SMN2: variants seen among roughly 807,000 people sequenced by gnomAD.
The protein encoded by SMN2 is survival motor neuron protein.
Under a neutral mutation model 2.8 loss-of-function variants are expected in SMN2, and 1 was observed. The ratio of observed to expected loss-of-function variants is 0.35; its 90% confidence interval spans 0.13 to 1.68. SMN2 has a LOEUF of 1.68. Ranked by LOEUF, SMN2 falls within the 40% of genes most tolerant of loss-of-function variation. The pLI is 0.35. For synonymous variants in SMN2, 5 were observed against 5.0 expected, an observed-to-expected ratio of 0.99 and a Z score of 0.01; for missense variants, 12 against 16.9, an observed-to-expected ratio of 0.71 and a Z score of 0.51.
At chr5:70,079,428 T>A (rs1774819831), downstream of SMN2, among the ~76,000 whole-genome samples, 1 of 89,406 alleles carries the variant, frequency 1.1e-5, no homozygotes, top group Non-Finnish European at 2.0e-5. Flanking sequence ...CGAGACTCCG[T>A]CTCAAAAAAA....
intron 1 of SMN2, among the ~76,000 whole-genome samples, chr5:70,052,122 T>C (rs1580725390): frequency 1.1e-5 from 1 of 91,908 alleles, no homozygotes; most frequent in Non-Finnish European, 2.4e-5. Flanking sequence ...ACCCAGGAGG[T>C]GGAGGTTGCA....
the SMN2 span, among the ~76,000 whole-genome samples, chr5:70,084,192 T>G: frequency 6.2e-5 from 4 of 64,680 alleles, no homozygotes. Context: ...TAAATTGTTT[T>G]TTTTTTTTTT....
intron 1 of SMN2, among the ~76,000 whole-genome samples, chr5:70,052,797 A>C (rs1406966421): frequency 1.7e-5 from 1 of 58,380 alleles, no homozygotes; most frequent in Non-Finnish European, 3.6e-5. Context: ...CAGGAAAATC[A>C]CTTGAACCCG....
At chr5:70,081,669 T>TGGG (rs1332650935), downstream of SMN2, among the ~76,000 whole-genome samples, 1 of 2,398 alleles carries the variant, frequency 4.2e-4, no homozygotes, top group Non-Finnish European at 8.1e-4. Context: ...TGTTTGTCTG[T>TGGG]TATTGCTGTA....
Position 70,049,728 on chromosome 5 carries a change from CAGG to C in SMN2, c.48_50del (p.Glu16del). On this transcript the variant is annotated inframe_deletion, in exon 1 of 9. Coordinates refer to ENST00000380743, the MANE Select transcript of SMN2 (RefSeq NM_017411.4). ...CGGCAGTGGTGGCGGCGTCCCGGAGCAGGAGGATTCCGTGCTGTTCCGGCGCGG... is the reference window on the plus strand; with the variant it reads ...CGGCAGTGGTGGCGGCGTCCCGGAGCAGGATTCCGTGCTGTTCCGGCGCGG... 2 of 216,028 alleles carry C rather than the reference CAGG, an allele frequency of 9.3e-6. No individual in the cohort carries two copies. The highest frequency in any genetic ancestry group is 2.8e-5 in the South Asian group (1 of 35,376). The allele number at this position is 216,028 out of a possible 1,614,324, so 13.4% of individuals were successfully genotyped here. A position where few individuals can be genotyped will look rare whatever the true frequency, so the allele number is the denominator to read the frequency against.
downstream of SMN2, among the ~76,000 whole-genome samples, chr5:70,079,159 G>A (rs868691883): frequency 0.024 from 2,826 of 118,670 alleles, 83 homozygotes; most frequent in African/African-American, 0.09. Context: ...GCAGCTGGGC[G>A]CGGCAGCTCA....
chr5:70,084,919 G>A, the SMN2 span, among the ~76,000 whole-genome samples: 3 of 137,926 alleles, frequency 2.2e-5, no homozygotes, highest in South Asian at 2.2e-4. Flanking sequence ...ACACAGAGGT[G>A]AAAAATTTGA....
At chr5:70,079,391 C>T (rs540756695), downstream of SMN2, among the ~76,000 whole-genome samples, 58 of 143,534 alleles carry the variant, frequency 4.0e-4, no homozygotes, top group East Asian at 0.01. Flanking sequence ...GAGATTGTGC[C>T]ACTGTACTCA....
At chr5:70,052,823 A>G (rs1477500334) in intron 1 of SMN2, among the ~76,000 whole-genome samples, 2 of 92,628 alleles carry the variant, frequency 2.2e-5, no homozygotes, top group African/African-American at 7.5e-5. Flanking sequence ...TGGAGTTTGC[A>G]GTGACCCGAG....
chr5:70,088,322 T>C, the SMN2 span, among the ~76,000 whole-genome samples: 5 of 99,450 alleles, frequency 5.0e-5, no homozygotes, highest in African/African-American at 1.0e-4. Context: ...GCTATAAAGA[T>C]ACCTGAAAAT....
At chr5:70,079,770 C>A (rs1269828841), downstream of SMN2, among the ~76,000 whole-genome samples, 110 of 117,412 alleles carry the variant, frequency 9.4e-4, 3 homozygotes, top group East Asian at 8.5e-3. Flanking sequence ...AAAAAAAAAA[C>A]CAAACCAAAG....
chr5:70,079,431 C>CAAAAAA (rs58866189), downstream of SMN2, among the ~76,000 whole-genome samples: 71 of 103,818 alleles, frequency 6.8e-4, no homozygotes, highest in South Asian at 2.4e-3. Flanking sequence ...GACTCCGTCT[C>CAAAAAA]AAAAAAAAAA....
rs1203059190 is a variant in SMN2 at position 70,077,341 on chromosome 5, G to A, written c.*326G>A. ...TTTTGAATGATATTGGATAATTATT[G>A]GTAATTTTATGAGCTGTGAGAAGGG... On this transcript the variant is annotated 3_prime_UTR_variant, in exon 9 of 9. Transcript: ENST00000380743. 5.2e-6 allele frequency: 1 copy of A among 192,158 alleles called. No homozygotes were observed. The highest frequency in any genetic ancestry group is 9.5e-6 in the Non-Finnish European group (1 of 104,802). The allele number at this position is 192,158 out of a possible 1,614,324, so 11.9% of individuals were successfully genotyped here. A position where few individuals can be genotyped will look rare whatever the true frequency, so the allele number is the denominator to read the frequency against.
At chr5:70,074,643 CAAA>C (rs1254903770) in intron 7 of SMN2, among the ~76,000 whole-genome samples, 1 of 106,950 alleles carries the variant, frequency 9.4e-6, no homozygotes. Context: ...AACTCCATCT[CAAA>C]AAAAAAAAAA....
In SMN2 at chr5:70,074,963, G is replaced by T. The variant is rs1282498422; in HGVS notation, c.835-1558G>T. Among the ~76,000 whole-genome samples the T allele has an allele frequency of 5.5e-5, 7 of 127,016 alleles. 1 individual carries two copies. Among genetic ancestry groups the T allele is most frequent in the Middle Eastern group, 3.7e-3 (1 of 272 alleles). 83.3% of individuals were successfully genotyped at this position (127,016 alleles called of 152,430 possible). Reference sequence around the variant, plus strand: ...GCCAAGATTGCACCATTGCACTCCAGCCTGGGCAACAAGAGCGAAACTCCG... The same window carrying T: ...GCCAAGATTGCACCATTGCACTCCATCCTGGGCAACAAGAGCGAAACTCCG... On this transcript the variant is annotated intron_variant, in intron 7 of 8. Coordinates refer to ENST00000380743, the MANE Select transcript of SMN2 (RefSeq NM_017411.4).
chr5:70,084,098 C>T, the SMN2 span, among the ~76,000 whole-genome samples: 21 of 81,636 alleles, frequency 2.6e-4, 1 homozygote, highest in Non-Finnish European at 4.1e-4. Flanking sequence ...TGTTTCTAAT[C>T]ATTTGTTATT....
At chr5:70,076,818 G>C in intron 8 of SMN2, 1 of 1,311,428 alleles carries the variant, frequency 7.6e-7, no homozygotes, top group East Asian at 2.7e-5. Context: ...TCACAATAAA[G>C]AGCTTTAGGA....
At chr5:70,083,715 C>T in the SMN2 span, among the ~76,000 whole-genome samples, 3 of 131,260 alleles carry the variant, frequency 2.3e-5, no homozygotes, top group Non-Finnish European at 4.7e-5. Flanking sequence ...AAAAACCAAA[C>T]ACCGCATGTT....
chr5:70,079,086 A>G (rs1229873923), downstream of SMN2, among the ~76,000 whole-genome samples: 1 of 108,780 alleles, frequency 9.2e-6, no homozygotes, highest in Non-Finnish European at 1.8e-5. Flanking sequence ...TTATGAACTT[A>G]AGTCTTGTGA....
Sources: gnomAD v4.1 joint callset for allele counts (sites outside exome capture counted in the v4.1 genomes callset) on GRCh38, gnomAD v4.1.1 for gene constraint, MANE v1.5 for transcripts, NCBI Gene and HGNC (gene_info 2026-07-23, HGNC 2026-07-21) for gene names.